Variants in PODXL observed in about 807,000 individuals in gnomAD.
PODXL encodes podocalyxin like.
Under a neutral mutation model 48.9 loss-of-function variants are expected in PODXL, and 20 were observed. The ratio of observed to expected loss-of-function variants is 0.41; its 90% CI spans 0.29 to 0.59. PODXL has a LOEUF of 0.59. Among genes scored for constraint, PODXL ranks in the 20% least tolerant of loss-of-function variants. The pLI is 0.31. For synonymous variants in PODXL, 295 were observed against 287.4 expected (o/e 1.03, Z -0.27); for missense variants, 606 against 675.1 (o/e 0.90, Z 1.13).
chr7:131,505,726 T>A, intron 8 of PODXL, 142 bp downstream of exon 8: 5 of 705,430 alleles, frequency 7.1e-6, no homozygotes, highest in Non-Finnish European at 1.2e-5. Flanking sequence ...CTGAGGCGGC[T>A]GCCTATCAGG....
intron 1 of PODXL, among the ~76,000 whole-genome samples, chr7:131,526,739 CTTTTTT>C (rs57935236): frequency 1.1e-5 from 1 of 90,498 alleles, no homozygotes; most frequent in Non-Finnish European, 1.9e-5. Flanking sequence ...CTTCCTTACT[CTTTTTT>C]TTTTTTTTTT....
intron 1 of PODXL, among the ~76,000 whole-genome samples, chr7:131,534,783 C>T (rs1468318798): frequency 6.6e-6 from 1 of 152,172 alleles, no homozygotes; most frequent in Non-Finnish European, 1.5e-5. Context: ...GGTGTGGTGG[C>T]TCACACCTGA....
intron 1 of PODXL, among the ~76,000 whole-genome samples, chr7:131,524,407 G>GAGAGAGAGAGAGAGAGAGAGAGAA (rs1798145991): frequency 1.4e-5 from 2 of 144,918 alleles, no homozygotes; most frequent in Non-Finnish European, 3.0e-5. Context: ...GAGAGAGAGA[G>GAGAGAGAGAGAGAGAGAGAGAGAA]AAAACAACAA....
intron 6 of PODXL, 66 bp downstream of exon 6, chr7:131,506,513 G>A (rs1448312339): frequency 6.4e-7 from 1 of 1,552,364 alleles, no homozygotes; most frequent in Non-Finnish European, 8.8e-7. Flanking sequence ...CTCCAATGTG[G>A]CTTCTGCATG....
chr7:131,506,001 C>T lies in PODXL; in HGVS notation c.1346G>A (p.Gly449Glu), dbSNP rs1178082337. 2.5e-6 allele frequency: 4 copies of T among 1,612,648 alleles called. No homozygotes were observed. Among genetic ancestry groups the T allele is most frequent in the Non-Finnish European group, 3.4e-6 (4 of 1,179,588 alleles). The stretch of plus-strand genomic sequence containing the variant: ...GCGGTCCTCGGCCTCCTCCGGTGGC[C>T]CCTGGTCCCCTAGCTTCATGTCACT... ...GVSDMKLGDQ[G>E]PPEEAEDRFS... Residue 449 changes from glycine (G) to glutamate (E), a missense_variant, in exon 8 of 9, where the codon GGG (glycine) becomes GAG (glutamate). Physicochemically the swap from Gly to Glu is moderately conservative, Grantham distance 98. Coordinates refer to ENST00000378555, the MANE Select transcript of PODXL (RefSeq NM_001018111.3).
At chr7:131,555,123 T>C (rs1393139366) in intron 1 of PODXL, among the ~76,000 whole-genome samples, 1 of 152,166 alleles carries the variant, frequency 6.6e-6, no homozygotes, top group Non-Finnish European at 1.5e-5. Context: ...GAGACTGTAC[T>C]GCCCTTCCAT....
At chr7:131,506,820 G>A (rs1440087547) in intron 5 of PODXL, 94 bp from the exon 6 acceptor site, 6 of 1,380,392 alleles carry the variant, frequency 4.3e-6, no homozygotes, top group East Asian at 2.3e-5. Flanking sequence ...GGACAGTGCT[G>A]TTGCTGTGCT....
chr7:131,554,234 C>T (rs1798710074), intron 1 of PODXL, among the ~76,000 whole-genome samples: 1 of 152,272 alleles, frequency 6.6e-6, no homozygotes, highest in South Asian at 2.1e-4. Context: ...TGCACCATAG[C>T]TACTGAACAG....
rs751615118 is a variant in PODXL at position 131,501,429 on chromosome 7, G to T, written c.*2882C>A. 1 of 152,618 alleles carries T rather than the reference G, an allele frequency of 6.6e-6. No homozygotes were observed. The highest frequency in any genetic ancestry group is 1.5e-5 in the Non-Finnish European group (1 of 68,044). The allele number at this position is 152,618 out of a possible 1,614,324, so 9.5% of individuals were successfully genotyped here. ...TATTGTCAAAAAAGATAAAGCTCAA[G>T]AAGTGGTTTAAATAAACTTTCTGCT... is the stretch of plus-strand genomic sequence containing the variant. On this transcript the variant is annotated 3_prime_UTR_variant, in exon 9 of 9. Coordinates refer to ENST00000378555, the MANE Select transcript of PODXL (RefSeq NM_001018111.3).
At chr7:131,507,989 T>C (rs1054461042) in intron 5 of PODXL, among the ~76,000 whole-genome samples, 1 of 152,146 alleles carries the variant, frequency 6.6e-6, no homozygotes, top group Non-Finnish European at 1.5e-5. Flanking sequence ...CGTGTTCAGG[T>C]CTGTTCTAGT....
intron 1 of PODXL, among the ~76,000 whole-genome samples, chr7:131,551,826 A>G (rs1798672987): frequency 6.6e-6 from 1 of 151,454 alleles, no homozygotes; most frequent in Non-Finnish European, 1.5e-5. Context: ...AGTCCTAGCT[A>G]TTCGGGAGGC....
In PODXL at chr7:131,519,365, C is replaced by G. The variant is rs114077638; in HGVS notation, c.101-7932G>C. 9.1e-3 allele frequency among the ~76,000 whole-genome samples: 1,391 copies of G among 152,130 alleles called. 26 individuals carry two copies. Among genetic ancestry groups the G allele is most frequent in the African/African-American group, 0.031 (1,280 of 41,478 alleles). ...GAACAGGCATTCTGAGGGTGTGAGC[C>G]GCGCTCCAATTTCCATTGTCCTCCT... On this transcript the variant is annotated intron_variant, in intron 1 of 8. Transcript: ENST00000378555.
chr7:131,552,768 C>A (rs1272478679), intron 1 of PODXL, among the ~76,000 whole-genome samples: 1 of 152,150 alleles, frequency 6.6e-6, no homozygotes, highest in Admixed American at 6.5e-5. Flanking sequence ...CACCCACATT[C>A]CCCCACCCCA....
rs367588889 is a variant in PODXL at position 131,510,996 on chromosome 7, T to A, written c.538A>T (p.Thr180Ser). ...CTAAGTGGACTTGTAGGGTGAGGGG[T>A]CGTCAGATGTTCTGCCTTAGTGGAT... is the stretch of plus-strand genomic sequence containing the variant. ...LTSTKAEHLT[T>S]PHPTSPLSPR... is the part of the protein sequence containing the mutation. The change falls in exon 2 of 9, where the codon ACC becomes TCC. Residue 180 changes from threonine to serine, a missense_variant. By Grantham distance (58) the Thr-to-Ser change is moderately conservative. Coordinates refer to ENST00000378555, the MANE Select transcript of PODXL (RefSeq NM_001018111.3). 3.7e-6 allele frequency: 6 copies of A among 1,612,942 alleles called. No individual in the cohort carries two copies. The highest frequency in any genetic ancestry group is 5.1e-6 in the Non-Finnish European group (6 of 1,179,844).
intron 1 of PODXL, chr7:131,520,099 CATAAAGAA>C (rs1388246129): frequency 4.5e-6 from 1 of 221,296 alleles, no homozygotes; most frequent in Non-Finnish European, 9.1e-6. Context: ...ATCCTATAAT[CATAAAGAA>C]ATTGAGCCTT....
At chr7:131,515,593 G>C (rs1797981628) in intron 1 of PODXL, among the ~76,000 whole-genome samples, 1 of 152,064 alleles carries the variant, frequency 6.6e-6, no homozygotes, top group Non-Finnish European at 1.5e-5. Flanking sequence ...AGTAGAAATG[G>C]GGTTTCACCA....
chr7:131,512,255 A>G (rs1797926135), intron 1 of PODXL, among the ~76,000 whole-genome samples: 1 of 152,212 alleles, frequency 6.6e-6, no homozygotes. Flanking sequence ...AATGGTGAAC[A>G]CGACACAGAG....
At position 131,506,659 on chromosome 7, in the gene PODXL, G is replaced by A. The variant is rs143652476; in HGVS notation, c.1169C>T (p.Pro390Leu). The A allele has an allele frequency of 2.9e-4, 467 of 1,614,156 alleles. No individual in the cohort carries two copies. The African/African-American group carries it at 4.9e-3, about 17-fold the overall frequency. Residue 390 changes from proline (P) to leucine (L), a missense_variant, in exon 6 of 9, where the codon CCG becomes CTG. Physicochemically the swap from Pro to Leu is moderately conservative, Grantham distance 98. Coordinates refer to ENST00000378555, the MANE Select transcript of PODXL (RefSeq NM_001018111.3). The stretch of plus-strand genomic sequence containing the variant: ...CCGTATGCCGCACTTATCTTGGGCC[G>A]GGTTGAAGGTGGCTTTGACTGCTCG... ...ICRAVKATFN[P>L]AQDKCGIRLA...
rs551783742 is a variant in PODXL, at chr7:131,511,012, C to T, written c.522G>A (p.Lys174=). 4 of 1,614,116 alleles carry T rather than the reference C, an allele frequency of 2.5e-6. No individual in the cohort carries two copies. Among genetic ancestry groups the T allele is most frequent in the Middle Eastern group, 1.6e-4 (1 of 6,062 alleles). ...GGTGAGGGGTCGTCAGATGTTCTGC[C>T]TTAGTGGATGTGAGGTCTGTGGTCA... ...HSVTTDLTST[K]AEHLTTPHPT... The change falls in exon 2 of 9, where the codon AAG becomes AAA. Residue 174 remains lysine (K), a synonymous_variant. Transcript: ENST00000378555.
Sources: allele counts gnomAD v4.1 joint callset (sites outside exome capture counted in the v4.1 genomes callset), GRCh38; gene constraint gnomAD v4.1.1; transcripts MANE v1.5; gene names NCBI Gene and HGNC (gene_info 2026-07-23, HGNC 2026-07-21).